The following TTC29 variants were observed in gnomAD, a reference collection of about 807,000 sequenced individuals.
TTC29 encodes tetratricopeptide repeat protein 29.
Under a neutral mutation model 58.1 loss-of-function variants are expected in TTC29, and 49 were observed. That is an observed-to-expected ratio of 0.84 (90% CI 0.67 to 1.07). TTC29 has a LOEUF of 1.07. TTC29 is among the 50% of genes least tolerant of loss of function. The probability of loss-of-function intolerance (pLI) is 0.00; values close to 1 mark genes in which losing one functional copy is unlikely to be tolerated. For synonymous variants in TTC29, 209 were observed against 196.8 expected, an observed-to-expected ratio of 1.06 and a Z score of -0.52; for missense variants, 582 against 555.6, an observed-to-expected ratio of 1.05 and a Z score of -0.48.
chr4:146,728,862 T>A (rs1744103602), intron 11 of TTC29, among the ~76,000 whole-genome samples: 1 of 48,116 alleles, frequency 2.1e-5, no homozygotes, highest in Non-Finnish European at 5.5e-5. Flanking sequence ...TATATACACA[T>A]ATATATGTGT....
intron 6 of TTC29, among the ~76,000 whole-genome samples, chr4:146,895,332 C>G (rs1270920780): frequency 2.0e-5 from 3 of 152,094 alleles, no homozygotes; most frequent in African/African-American, 7.2e-5. Context: ...GATCCCAATC[C>G]CAAGATCCAT....
chr4:146,932,476 T>G (rs534374640), intron 4 of TTC29, among the ~76,000 whole-genome samples: 22 of 152,196 alleles, frequency 1.4e-4, no homozygotes, highest in Non-Finnish European at 2.9e-5. Context: ...AAGAGCACAC[T>G]TGAAAGGATC....
intron 11 of TTC29, among the ~76,000 whole-genome samples, chr4:146,801,196 T>C (rs1334489995): frequency 1.3e-5 from 2 of 152,106 alleles, no homozygotes; most frequent in Non-Finnish European, 2.9e-5. Context: ...AGAGCAGAGA[T>C]GGTGTTAAGA....
rs552237042 is a variant in TTC29, at chr4:146,797,720, A to G, written c.1330+5737T>C. Among the ~76,000 whole-genome samples the G allele has an allele frequency of 3.3e-5, 5 of 151,322 alleles. No individual in the cohort carries two copies. In the East Asian group the frequency reaches 9.7e-4, roughly 29 times the overall value. ...CAAGCACTGACTATGGTATGCCTCCATTTAGTTTCTTCATGTTTCTTTTGC... is the reference window on the plus strand; with the variant it reads ...CAAGCACTGACTATGGTATGCCTCCGTTTAGTTTCTTCATGTTTCTTTTGC... On this transcript the variant is annotated intron_variant, in intron 11 of 12. Coordinates refer to ENST00000325106, the MANE Select transcript of TTC29 (RefSeq NM_031956.4).
At position 146,793,977 on chromosome 4, in the gene TTC29, T is replaced by C. The variant is rs116359196; in HGVS notation, c.1330+9480A>G. Reference sequence around the variant, plus strand: ...CATGGTCATCTATTTAAGCATCCACTTGGATTTTCAACATAATTAGTCATA... The same window carrying C: ...CATGGTCATCTATTTAAGCATCCACCTGGATTTTCAACATAATTAGTCATA... On this transcript the variant is annotated intron_variant, in intron 11 of 12. Coordinates refer to ENST00000325106, the MANE Select transcript of TTC29 (RefSeq NM_031956.4). Among the ~76,000 whole-genome samples the C allele has an allele frequency of 5.6e-3, 851 of 152,290 alleles. 9 individuals carry two copies. Among genetic ancestry groups the C allele is most frequent in the African/African-American group, 0.02 (812 of 41,566 alleles).
chr4:146,836,994 G>T (rs1299737163), intron 8 of TTC29, among the ~76,000 whole-genome samples: 1 of 152,016 alleles, frequency 6.6e-6, no homozygotes, highest in Non-Finnish European at 1.5e-5. Flanking sequence ...CCATTACTAG[G>T]TATATACCCA....
chr4:146,797,000 GA>G lies in TTC29; in HGVS notation c.1330+6456del, dbSNP rs77571650. ...GCCAGGTAAAGTTTGTGTAATCTAA[GA>G]AAAAAAAAGGTCAAAATTAAAAACA... On this transcript the variant is annotated intron_variant, in intron 11 of 12. Transcript: ENST00000325106. Among the ~76,000 whole-genome samples the G allele has an allele frequency of 9.8e-4, 147 of 150,142 alleles. 4 individuals are homozygous for G. In the East Asian group the frequency reaches 0.025, roughly 25 times the overall value.
chr4:146,927,584 C>T (rs1012469382), intron 4 of TTC29, among the ~76,000 whole-genome samples: 7 of 151,942 alleles, frequency 4.6e-5, no homozygotes, highest in Admixed American at 6.6e-5. Flanking sequence ...ATACAACATA[C>T]GTACATAGTA....
chr4:146,885,773 C>T (rs1009945917), intron 6 of TTC29, among the ~76,000 whole-genome samples: 2 of 152,068 alleles, frequency 1.3e-5, no homozygotes, highest in South Asian at 4.1e-4. Context: ...AAACCACTTA[C>T]CATATTACTT....
At chr4:146,888,830 C>A (rs1046028037) in intron 6 of TTC29, among the ~76,000 whole-genome samples, 1 of 152,054 alleles carries the variant, frequency 6.6e-6, no homozygotes, top group Non-Finnish European at 1.5e-5. Flanking sequence ...GAAATCAGAG[C>A]TGGAGGTGAA....
intron 6 of TTC29, among the ~76,000 whole-genome samples, chr4:146,885,938 T>C (rs1238632047): frequency 2.0e-5 from 3 of 152,172 alleles, no homozygotes; most frequent in Non-Finnish European, 4.4e-5. Context: ...GTTATTTTTC[T>C]ATGTATTCAT....
chr4:146,708,891 T>G (rs1164741665), intron 11 of TTC29, among the ~76,000 whole-genome samples: 1 of 152,136 alleles, frequency 6.6e-6, no homozygotes, highest in Non-Finnish European at 1.5e-5. Context: ...AACCCATTTT[T>G]GTTATTGATT....
chr4:146,831,406 C>G (rs984130569), intron 9 of TTC29, among the ~76,000 whole-genome samples: 2 of 152,044 alleles, frequency 1.3e-5, no homozygotes, highest in African/African-American at 4.8e-5. Flanking sequence ...GCCAGGAATT[C>G]CTATAAAAAG....
chr4:146,749,464 C>A (rs528850621), intron 11 of TTC29, among the ~76,000 whole-genome samples: 1 of 152,068 alleles, frequency 6.6e-6, no homozygotes, highest in Non-Finnish European at 1.5e-5. Context: ...TCTGAAATGA[C>A]CTCCATCAGA....
intron 3 of TTC29, among the ~76,000 whole-genome samples, chr4:146,938,513 G>A (rs1736060747): frequency 6.6e-6 from 1 of 151,958 alleles, no homozygotes; most frequent in Non-Finnish European, 1.5e-5. Flanking sequence ...TAAAAAGACA[G>A]AAAGAATAAG....
intron 11 of TTC29, among the ~76,000 whole-genome samples, chr4:146,780,302 GGTGTGTGTGTGTGTGT>G (rs57951745): frequency 1.0e-4 from 14 of 138,454 alleles, no homozygotes; most frequent in South Asian, 9.8e-4. Flanking sequence ...CCTAACTTGG[GGTGTGTGTGTGTGTGT>G]GTGTGTGTGT....
intron 6 of TTC29, among the ~76,000 whole-genome samples, chr4:146,878,623 C>T (rs545294761): frequency 1.1e-4 from 17 of 152,186 alleles, no homozygotes; most frequent in East Asian, 9.7e-4. Context: ...GTCAACAGAT[C>T]GAGAGCCAGG....
chr4:146,710,077 A>G (rs1444195882), intron 11 of TTC29, among the ~76,000 whole-genome samples: 1 of 152,154 alleles, frequency 6.6e-6, no homozygotes, highest in Non-Finnish European at 1.5e-5. Context: ...GTTCTCAGCA[A>G]TGAAATGAGC....
chr4:146,863,085 A>G (rs1054668289), intron 8 of TTC29, among the ~76,000 whole-genome samples: 19 of 150,842 alleles, frequency 1.3e-4, no homozygotes, highest in Non-Finnish European at 2.2e-4. Flanking sequence ...TCGTGCCACT[A>G]CACTCCAGCC....
Sources: allele counts gnomAD v4.1 joint callset (sites outside exome capture counted in the v4.1 genomes callset), GRCh38; gene constraint gnomAD v4.1.1; transcripts MANE v1.5; gene names NCBI Gene and HGNC (gene_info 2026-07-23, HGNC 2026-07-21).